Variants in FASTKD2 observed in about 807,000 individuals in gnomAD.
The protein encoded by FASTKD2 is FAST kinase domains 2.
A neutral mutation model predicts 63.6 loss-of-function variants in FASTKD2; 51 were observed. The ratio of observed to expected loss-of-function variants is 0.80; its 90% CI spans 0.64 to 1.01. The LOEUF (loss-of-function observed/expected upper bound fraction) is 1.01. FASTKD2 is among the 50% of genes least tolerant of loss of function. FASTKD2 has a pLI of 0.00. For synonymous variants in FASTKD2, 284 were observed against 293.4 expected (o/e 0.97, Z 0.33); for missense variants, 786 against 831.1 (o/e 0.95, Z 0.67).
chr2:206,787,310 G>T (rs780412080), intron 8 of FASTKD2, among the ~76,000 whole-genome samples: 1 of 152,052 alleles, frequency 6.6e-6, no homozygotes, highest in Non-Finnish European at 1.5e-5. Flanking sequence ...CCTGTGATGA[G>T]GGAACACCTG....
At chr2:206,775,387 T>C (rs1397361476) in intron 7 of FASTKD2, among the ~76,000 whole-genome samples, 3 of 152,016 alleles carry the variant, frequency 2.0e-5, no homozygotes, top group East Asian at 3.9e-4. Context: ...CTTTATTCTG[T>C]TGATATGATG....
intron 7 of FASTKD2, among the ~76,000 whole-genome samples, chr2:206,782,067 A>T (rs1191642851): frequency 6.6e-6 from 1 of 151,882 alleles, no homozygotes; most frequent in East Asian, 1.9e-4. Flanking sequence ...TTTGTTCTTA[A>T]CTGCTCTCAG....
rs919861669 is a variant in FASTKD2, at chr2:206,793,864, T to C, written c.*2062T>C. Among the ~76,000 whole-genome samples the C allele has an allele frequency of 1.3e-5, 2 of 152,214 alleles. No homozygotes were observed. Among genetic ancestry groups the C allele is most frequent in the African/African-American group, 4.8e-5 (2 of 41,454 alleles). On this transcript the variant is annotated 3_prime_UTR_variant, in exon 12 of 12. Coordinates refer to ENST00000402774, the MANE Select transcript of FASTKD2 (RefSeq NM_001136193.2). ...AAAGTTCAGTCTACTTGTAAAGACA[T>C]GCACATTGAAACAGAAGAGATGGTT...
chr2:206,777,055 A>G (rs1689842653), intron 7 of FASTKD2, among the ~76,000 whole-genome samples: 1 of 152,088 alleles, frequency 6.6e-6, no homozygotes, highest in East Asian at 1.9e-4. Context: ...TGATACTATT[A>G]TAAACAAGAT....
In FASTKD2 at chr2:206,774,214, C is replaced by G; in HGVS notation, c.1255-11C>G. On this transcript the variant is annotated splice_polypyrimidine_tract_variant and intron_variant, in intron 6 of 11. Coordinates refer to ENST00000402774, the MANE Select transcript of FASTKD2 (RefSeq NM_001136193.2). ...TATTATAGAGTTTTCCCTCAATTTT[C>G]TCTTTTTAAGGTTCTTTTTATCCTC... 3 of 1,592,002 alleles carry G rather than the reference C, an allele frequency of 1.9e-6. No homozygotes were observed. The highest frequency in any genetic ancestry group is 2.6e-6 in the Non-Finnish European group (3 of 1,163,168).
At chr2:206,774,678 T>C (rs1689776110) in intron 7 of FASTKD2, among the ~76,000 whole-genome samples, 1 of 152,130 alleles carries the variant, frequency 6.6e-6, no homozygotes, top group Non-Finnish European at 1.5e-5. Flanking sequence ...TCGTAGCTCC[T>C]AAGTTCATAG....
In FASTKD2 at chr2:206,771,999, T is replaced by C; in HGVS notation, c.1096T>C (p.Cys366Arg). The change falls in exon 5 of 12, where the codon TGC becomes CGC. Residue 366 changes from cysteine to arginine, a missense_variant. By Grantham distance (180) the Cys-to-Arg change is radical. Coordinates refer to ENST00000402774, the MANE Select transcript of FASTKD2 (RefSeq NM_001136193.2). ...NHRSLILLDE[C>R]SKVVLDNIHG... is the part of the protein sequence containing the mutation. ...CCGATCTCTTATACTCCTGGATGAA[T>C]GCAGTAAGGTGGTCCTAGGTAAGAG... 1 of 1,613,858 alleles carries C rather than the reference T, an allele frequency of 6.2e-7. No homozygotes were observed. Among genetic ancestry groups the C allele is most frequent in the South Asian group, 1.1e-5 (1 of 91,080 alleles).
intron 7 of FASTKD2, chr2:206,783,222 A>G (rs1690040269): frequency 6.6e-6 from 1 of 150,878 alleles, no homozygotes; most frequent in Non-Finnish European, 1.5e-5. Context: ...TGTCACCGTC[A>G]GAGTCCCTGT....
At chr2:206,769,381 T>C (rs1333312226) in intron 2 of FASTKD2, among the ~76,000 whole-genome samples, 1 of 152,246 alleles carries the variant, frequency 6.6e-6, no homozygotes, top group Non-Finnish European at 1.5e-5. Flanking sequence ...CTAAGTTTCC[T>C]CAGATGTGAT....
rs781268643 is a variant in FASTKD2 at position 206,770,210 on chromosome 2, T to C, written c.881+16T>C. The C allele has an allele frequency of 2.8e-6, 4 of 1,450,320 alleles. No individual in the cohort carries two copies. Among genetic ancestry groups the C allele is most frequent in the East Asian group, 2.3e-5 (1 of 44,164 alleles). 89.8% of individuals were successfully genotyped at this position (1,450,320 alleles called of 1,614,324 possible). ...CGGGATTCAGGTGAGAACTCTCTTA[T>C]GCTTTCTTCATGTGGTTTTCTTTGT... On this transcript the variant is annotated intron_variant, in intron 3 of 11. Transcript: ENST00000402774.
intron 6 of FASTKD2, among the ~76,000 whole-genome samples, chr2:206,773,598 G>T (rs947682978): frequency 3.9e-5 from 6 of 152,148 alleles, no homozygotes; most frequent in Non-Finnish European, 5.9e-5. Context: ...ATAACTGTTA[G>T]ATCTCTAGGT....
rs1689509814 is a variant in FASTKD2 at position 206,766,937 on chromosome 2, T to C, written c.244T>C (p.Phe82Leu). ...DIIRYLFQDA[F>L]IFKSDVGFQT... is the part of the protein sequence containing the mutation. ...CATTAGATATCTCTTTCAGGATGCA[T>C]TCATTTTTAAATCAGATGTTGGCTT... The change falls in exon 2 of 12, where the codon TTC (phenylalanine) becomes CTC (leucine). Residue 82 changes from phenylalanine to leucine, a missense_variant. Physicochemically the swap from Phe to Leu is conservative, Grantham distance 22. Coordinates refer to ENST00000402774, the MANE Select transcript of FASTKD2 (RefSeq NM_001136193.2). 11 of 1,604,016 alleles carry C rather than the reference T, an allele frequency of 6.9e-6. No homozygotes were observed. The highest frequency in any genetic ancestry group is 9.4e-6 in the Non-Finnish European group (11 of 1,173,618).
At chr2:206,789,920 A>G (rs1690237375) in intron 10 of FASTKD2, 1 of 152,358 alleles carries the variant, frequency 6.6e-6, no homozygotes, top group African/African-American at 2.4e-5. Flanking sequence ...TTAAAAACAT[A>G]AAATTTGTCT....
At chr2:206,775,704 C>T (rs955864634) in intron 7 of FASTKD2, among the ~76,000 whole-genome samples, 1 of 151,760 alleles carries the variant, frequency 6.6e-6, no homozygotes, top group Admixed American at 6.6e-5. Context: ...AGTATTAGTT[C>T]TTCCTTAAAT....
At chr2:206,766,542 C>A in intron 1 of FASTKD2, 102 bp from the exon 2 acceptor site, 1 of 709,290 alleles carries the variant, frequency 1.4e-6, no homozygotes. Flanking sequence ...TGTTTAATGG[C>A]TCCATAGGTT....
chr2:206,783,863 T>C (rs1690062114), intron 7 of FASTKD2, among the ~76,000 whole-genome samples: 1 of 152,130 alleles, frequency 6.6e-6, no homozygotes, highest in Non-Finnish European at 1.5e-5. Context: ...TTTGGCAAGG[T>C]ATGGAGATGG....
rs1690370323 is a variant in FASTKD2 at position 206,793,969 on chromosome 2, AGCTGTT to A, written c.*2169_*2174del. Reference sequence around the variant, plus strand: ...GTATAATGAGGCAAGCACTTGCATAAGCTGTTGGTAGACTGTAAATTAATACCTTTC... The same window carrying A: ...GTATAATGAGGCAAGCACTTGCATAAGGTAGACTGTAAATTAATACCTTTC... On this transcript the variant is annotated 3_prime_UTR_variant, in exon 12 of 12. Transcript: ENST00000402774. Among the ~76,000 whole-genome samples the A allele has an allele frequency of 6.6e-6, 1 of 152,210 alleles. No individual in the cohort carries two copies. The highest frequency in any genetic ancestry group is 1.5e-5 in the Non-Finnish European group (1 of 68,036).
Position 206,792,001 on chromosome 2 carries a change from A to G in FASTKD2, c.*199A>G. ...ATGCTGAGAAAATTCCAGAAGGGTT[A>G]TTTTTCCAACCACACCTATTCCCTC... On this transcript the variant is annotated 3_prime_UTR_variant, in exon 12 of 12. Coordinates refer to ENST00000402774, the MANE Select transcript of FASTKD2 (RefSeq NM_001136193.2). 1.7e-6 allele frequency: 1 copy of G among 583,892 alleles called. No homozygotes were observed. The highest frequency in any genetic ancestry group is 3.0e-6 in the Non-Finnish European group (1 of 330,360). The allele number at this position is 583,892 out of a possible 1,614,324, so 36.2% of individuals were successfully genotyped here.
chr2:206,791,558 A>C (rs368097990), intron 11 of FASTKD2, 125 bp from the exon 12 acceptor site: 1 of 827,928 alleles, frequency 1.2e-6, no homozygotes, highest in Non-Finnish European at 2.1e-6. Flanking sequence ...ATGAGTAGTT[A>C]TAAGGTCACA....
Sources: gnomAD v4.1 joint callset for allele counts (sites outside exome capture counted in the v4.1 genomes callset) on GRCh38, gnomAD v4.1.1 for gene constraint, MANE v1.5 for transcripts, NCBI Gene and HGNC (gene_info 2026-07-23, HGNC 2026-07-21) for gene names.